FRAS1: variants seen among roughly 807,000 people sequenced by gnomAD.
FRAS1 encodes Fraser extracellular matrix complex subunit 1.
A neutral mutation model predicts 435.2 loss-of-function variants in FRAS1; 290 were observed. That is an observed-to-expected ratio of 0.67 (90% CI 0.61 to 0.73). The LOEUF is 0.73. FRAS1 is among the 30% of genes least tolerant of loss of function. The probability of loss-of-function intolerance (pLI) is 0.00; values close to 1 mark genes in which losing one functional copy is unlikely to be tolerated. For synonymous variants in FRAS1, 1,800 were observed against 1,851.0 expected (o/e 0.97, Z 0.71); for missense variants, 4,860 against 5,001.5 (o/e 0.97, Z 0.85).
chr4:78,314,343 G>A (rs551877457), intron 15 of FRAS1, among the ~76,000 whole-genome samples: 21 of 152,158 alleles, frequency 1.4e-4, no homozygotes, highest in Non-Finnish European at 2.4e-4. Context: ...CTCTGTGAGC[G>A]ACATCACTTG....
chr4:78,383,915 T>C (rs1732118170), intron 27 of FRAS1, 144 bp from the exon 28 acceptor site: 4 of 566,362 alleles, frequency 7.1e-6, no homozygotes, highest in African/African-American at 4.0e-5. Context: ...TAGTTTTTTC[T>C]TTATAGTATG....
intron 2 of FRAS1, among the ~76,000 whole-genome samples, chr4:78,229,711 TAA>T (rs10599067): frequency 0.087 from 12,881 of 148,210 alleles, 1,631 homozygotes; most frequent in African/African-American, 0.28. Flanking sequence ...CAGCACAGAA[TAA>T]AAAAAAAAAA....
At chr4:78,199,927 T>A (rs1262736458) in intron 2 of FRAS1, among the ~76,000 whole-genome samples, 1 of 152,166 alleles carries the variant, frequency 6.6e-6, no homozygotes, top group Non-Finnish European at 1.5e-5. Flanking sequence ...ATAAAAGTAG[T>A]GGGGAAATAG....
intron 7 of FRAS1, 88 bp from the exon 8 acceptor site, chr4:78,266,746 T>G (rs7694740): frequency 0.36 from 331,297 of 919,150 alleles, 63,643 homozygotes; most frequent in South Asian, 0.58. Flanking sequence ...ACAAATGTAA[T>G]GAAAATTGGG....
chr4:78,461,424 G>A (rs1362934272), intron 47 of FRAS1, among the ~76,000 whole-genome samples: 1 of 152,070 alleles, frequency 6.6e-6, no homozygotes, highest in Non-Finnish European at 1.5e-5. Context: ...ATGTGACATT[G>A]GGTACATCAC....
At chr4:78,494,004 T>C (rs952086299) in intron 59 of FRAS1, among the ~76,000 whole-genome samples, 1 of 152,078 alleles carries the variant, frequency 6.6e-6, no homozygotes, top group African/African-American at 2.4e-5. Flanking sequence ...CCTTCTCTTA[T>C]GTTTGTTTTT....
intron 2 of FRAS1, among the ~76,000 whole-genome samples, chr4:78,204,425 A>G (rs1723169410): frequency 6.6e-6 from 1 of 152,244 alleles, no homozygotes; most frequent in Non-Finnish European, 1.5e-5. Flanking sequence ...GCTTTCCCAA[A>G]GTAAATGTAG....
At chr4:78,473,999 G>A (rs577135691) in intron 53 of FRAS1, among the ~76,000 whole-genome samples, 1 of 144,786 alleles carries the variant, frequency 6.9e-6, no homozygotes, top group Non-Finnish European at 1.6e-5. Flanking sequence ...GTCTCTTCAA[G>A]TTTTAGAAGA....
chr4:78,330,958 C>T (rs939796377), intron 18 of FRAS1, among the ~76,000 whole-genome samples: 8 of 152,226 alleles, frequency 5.3e-5, no homozygotes, highest in South Asian at 2.1e-4. Flanking sequence ...GCTGGTTTTA[C>T]GGTTTGTGGG....
intron 63 of FRAS1, among the ~76,000 whole-genome samples, chr4:78,510,153 T>G (rs1401620039): frequency 6.6e-6 from 1 of 152,222 alleles, no homozygotes; most frequent in Non-Finnish European, 1.5e-5. Flanking sequence ...AGCTTGTTGT[T>G]TCTTAAGTAT....
chr4:78,234,031 C>T (rs1216698258), intron 2 of FRAS1, among the ~76,000 whole-genome samples: 1 of 152,146 alleles, frequency 6.6e-6, no homozygotes, highest in Non-Finnish European at 1.5e-5. Context: ...TCCCTGTGGT[C>T]AGCACTTCCT....
intron 14 of FRAS1, among the ~76,000 whole-genome samples, chr4:78,297,313 A>G (rs1463410281): frequency 6.6e-6 from 1 of 152,170 alleles, no homozygotes; most frequent in Non-Finnish European, 1.5e-5. Context: ...CTTACTCCAA[A>G]CAGCCACAGA....
At chr4:78,387,307 G>A (rs1732253487) in intron 28 of FRAS1, 68 bp from the exon 29 acceptor site, 1 of 1,118,388 alleles carries the variant, frequency 8.9e-7, no homozygotes, top group Non-Finnish European at 1.3e-6. Flanking sequence ...ATAACAATCA[G>A]GTATCTAGTC....
At chr4:78,463,830 G>A (rs922821274) in intron 47 of FRAS1, among the ~76,000 whole-genome samples, 191 bp from the exon 48 acceptor site, 1 of 152,190 alleles carries the variant, frequency 6.6e-6, no homozygotes, top group Non-Finnish European at 1.5e-5. Context: ...GTTAACATGT[G>A]TTCCCACAGA....
At chr4:78,178,688 G>C (rs1440058365) in intron 2 of FRAS1, among the ~76,000 whole-genome samples, 1 of 152,152 alleles carries the variant, frequency 6.6e-6, no homozygotes, top group African/African-American at 2.4e-5. Context: ...GAGAGCCCTT[G>C]TGCTGGACAT....
intron 2 of FRAS1, among the ~76,000 whole-genome samples, chr4:78,216,940 T>C (rs1723793296): frequency 6.6e-6 from 1 of 152,138 alleles, no homozygotes; most frequent in African/African-American, 2.4e-5. Flanking sequence ...GGGATAAGAC[T>C]GGAGCAAAGT....
chr4:78,229,675 G>A (rs540411625), intron 2 of FRAS1, among the ~76,000 whole-genome samples: 15 of 151,478 alleles, frequency 9.9e-5, no homozygotes, highest in Admixed American at 8.6e-4. Context: ...ACAATATAAG[G>A]CATTGTTATT....
At chr4:78,117,735 T>TC (rs1320964108) in intron 2 of FRAS1, among the ~76,000 whole-genome samples, 1 of 152,220 alleles carries the variant, frequency 6.6e-6, no homozygotes, top group Non-Finnish European at 1.5e-5. Context: ...TTCATCTAAT[T>TC]TTTTTTTCAA....
Position 78,354,691 on chromosome 4 carries a change from C to T in FRAS1, c.2423-8822C>T, listed in dbSNP as rs114098686. Among the ~76,000 whole-genome samples the T allele has an allele frequency of 2.0e-3, 303 of 152,284 alleles. 3 individuals carry two copies. Among genetic ancestry groups the T allele is most frequent in the African/African-American group, 6.4e-3 (268 of 41,554 alleles). On this transcript the variant is annotated intron_variant, in intron 20 of 73. Coordinates refer to ENST00000512123, the MANE Select transcript of FRAS1 (RefSeq NM_025074.7). ...GACCACTTCCAAATACACTTAATGT[C>T]GTTGCATTAAGAACCTAATGGACTG...
Sources: gnomAD v4.1 joint callset for allele counts (sites outside exome capture counted in the v4.1 genomes callset) on GRCh38, gnomAD v4.1.1 for gene constraint, MANE v1.5 for transcripts, NCBI Gene and HGNC (gene_info 2026-07-23, HGNC 2026-07-21) for gene names.